SRD5A2: variants seen among roughly 807,000 people sequenced by gnomAD.
SRD5A2 encodes 3-oxo-5-alpha-steroid 4-dehydrogenase 2.
SRD5A2 carries 30 observed loss-of-function variants against 27.4 expected under a neutral mutation model. That is an observed-to-expected ratio of 1.10 (90% CI 0.82 to 1.49). SRD5A2 has a LOEUF of 1.49. Among genes scored for constraint, SRD5A2 ranks in the 40% most tolerant of loss-of-function variants. The pLI is 0.00. For synonymous variants in SRD5A2, 141 were observed against 133.6 expected, an observed-to-expected ratio of 1.06 and a Z score of -0.38; for missense variants, 348 against 323.4, an observed-to-expected ratio of 1.08 and a Z score of -0.58.
the SRD5A2 span, among the ~76,000 whole-genome samples, chr2:31,635,880 G>A: frequency 6.6e-6 from 1 of 151,946 alleles, no homozygotes; most frequent in South Asian, 2.1e-4. Flanking sequence ...ATTTATATCT[G>A]GATACTGTAT....
At chr2:31,612,689 A>C in the SRD5A2 span, among the ~76,000 whole-genome samples, 1 of 152,202 alleles carries the variant, frequency 6.6e-6, no homozygotes, top group Non-Finnish European at 1.5e-5. Flanking sequence ...ACGGAGTTAC[A>C]AAAGACTGTA....
At chr2:31,620,244 A>C in the SRD5A2 span, among the ~76,000 whole-genome samples, 1 of 152,132 alleles carries the variant, frequency 6.6e-6, no homozygotes, top group Non-Finnish European at 1.5e-5. Context: ...GAAATGAGCA[A>C]AAGCTGGAAG....
At chr2:31,558,225 A>G (rs1666540479) in intron 1 of SRD5A2, among the ~76,000 whole-genome samples, 1 of 152,204 alleles carries the variant, frequency 6.6e-6, no homozygotes, top group Non-Finnish European at 1.5e-5. Flanking sequence ...CTACTCTGAC[A>G]TTGTAAATAA....
chr2:31,531,561 G>GGGGCATTTAATTTCAAAAAATGAAGGGAA (rs1665909242), intron 2 of SRD5A2, 89 bp from the exon 3 acceptor site: 1 of 819,784 alleles, frequency 1.2e-6, no homozygotes, highest in Non-Finnish European at 1.9e-6. Context: ...AATGAAAGGA[G>GGGGCATTTAATTTCAAAAAATGAAGGGAA]GGGCATTTAA....
intron 1 of SRD5A2, among the ~76,000 whole-genome samples, chr2:31,535,112 C>T (rs1665999536): frequency 6.6e-6 from 1 of 151,810 alleles, no homozygotes; most frequent in South Asian, 2.1e-4. Flanking sequence ...ACCTCCACCT[C>T]CAGGGTTCAA....
intron 1 of SRD5A2, chr2:31,563,275 T>C (rs1666663333): frequency 6.6e-6 from 1 of 151,968 alleles, no homozygotes; most frequent in East Asian, 1.9e-4. Context: ...AATCAACCAG[T>C]ATTGCAGATT....
At chr2:31,661,678 A>T in the SRD5A2 span, among the ~76,000 whole-genome samples, 1 of 152,104 alleles carries the variant, frequency 6.6e-6, no homozygotes, top group South Asian at 2.1e-4. Context: ...CCTGTTCGGG[A>T]TTCTCCAAGA....
chr2:31,608,967 C>T, the SRD5A2 span, among the ~76,000 whole-genome samples: 2 of 151,930 alleles, frequency 1.3e-5, no homozygotes, highest in Non-Finnish European at 2.9e-5. Context: ...AAGAGTAGAG[C>T]CCAAATCCAA....
chr2:31,591,394 C>G, the SRD5A2 span, among the ~76,000 whole-genome samples: 5 of 152,180 alleles, frequency 3.3e-5, no homozygotes, highest in Non-Finnish European at 7.3e-5. Flanking sequence ...AAGATACCAT[C>G]TCACGCCAGT....
chr2:31,580,569 C>T lies in SRD5A2; in HGVS notation c.281+51G>A. On this transcript the variant is annotated intron_variant, in intron 1 of 4. Transcript: ENST00000622030. ...CGCTCCACGCTGCGCTCCTGGACGC[C>T]GGGAGCAGGGCAGTGCGCTGCACTG... is the stretch of plus-strand genomic sequence containing the variant. 7.6e-6 allele frequency: 11 copies of T among 1,440,182 alleles called. 1 individual carries two copies. The highest frequency in any genetic ancestry group is 2.9e-5 in the South Asian group (2 of 68,600). 89.2% of individuals were successfully genotyped at this position (1,440,182 alleles called of 1,614,324 possible). A position where few individuals can be genotyped will look rare whatever the true frequency, so the allele number is the denominator to read the frequency against.
the SRD5A2 span, among the ~76,000 whole-genome samples, chr2:31,630,932 G>A: frequency 0.043 from 6,606 of 152,200 alleles, 249 homozygotes; most frequent in Admixed American, 0.12. Context: ...AAACACAATG[G>A]GTGTTCAGTA....
At chr2:31,648,235 A>C in the SRD5A2 span, among the ~76,000 whole-genome samples, 1 of 152,244 alleles carries the variant, frequency 6.6e-6, no homozygotes, top group East Asian at 1.9e-4. Flanking sequence ...TAAAATGCCA[A>C]AATTTCAAAA....
At chr2:31,551,717 T>C (rs1666383485) in intron 1 of SRD5A2, among the ~76,000 whole-genome samples, 1 of 152,062 alleles carries the variant, frequency 6.6e-6, no homozygotes, top group African/African-American at 2.4e-5. Context: ...ACCATCTGTA[T>C]ACAGAAAGTC....
chr2:31,613,548 C>A, the SRD5A2 span, among the ~76,000 whole-genome samples: 131 of 151,990 alleles, frequency 8.6e-4, no homozygotes, highest in African/African-American at 3.0e-3. Flanking sequence ...AAAATAAAAC[C>A]CTTGTGCACT....
At chr2:31,640,324 C>G in the SRD5A2 span, among the ~76,000 whole-genome samples, 181 of 152,118 alleles carry the variant, frequency 1.2e-3, no homozygotes, top group African/African-American at 4.0e-3. Context: ...TGACAAATCA[C>G]CTTCTTGTTA....
the SRD5A2 span, among the ~76,000 whole-genome samples, chr2:31,653,681 C>T: frequency 4.6e-5 from 7 of 151,838 alleles, no homozygotes; most frequent in African/African-American, 7.3e-5. Context: ...CTTTTTGAGA[C>T]GGAGTTTTGC....
At chr2:31,657,216 C>T in the SRD5A2 span, among the ~76,000 whole-genome samples, 1,926 of 152,142 alleles carry the variant, frequency 0.013, 22 homozygotes, top group South Asian at 0.029. Flanking sequence ...CACAAATGTG[C>T]GTCCCATGAT....
the SRD5A2 span, among the ~76,000 whole-genome samples, chr2:31,617,712 A>T: frequency 6.6e-6 from 1 of 152,226 alleles, no homozygotes; most frequent in African/African-American, 2.4e-5. Context: ...CCTAACAAGC[A>T]TCAACTTTAT....
At chr2:31,589,403 C>A in the SRD5A2 span, among the ~76,000 whole-genome samples, 1 of 152,210 alleles carries the variant, frequency 6.6e-6, no homozygotes, top group African/African-American at 2.4e-5. Context: ...TTAATAAATA[C>A]CTCTCTAGTG....
Sources: allele counts gnomAD v4.1 joint callset (sites outside exome capture counted in the v4.1 genomes callset), GRCh38; gene constraint gnomAD v4.1.1; transcripts MANE v1.5; gene names NCBI Gene and HGNC (gene_info 2026-07-23, HGNC 2026-07-21).